The following CRTAC1 variants were observed in gnomAD, a reference collection of about 807,000 sequenced individuals.
CRTAC1 encodes cartilage acidic protein 1, also known as acidic secreted protein in cartilage.
Under a neutral mutation model 67.8 loss-of-function variants are expected in CRTAC1, and 37 were observed. The ratio of observed to expected loss-of-function variants is 0.55; its 90% CI spans 0.42 to 0.72. The LOEUF (loss-of-function observed/expected upper bound fraction) is 0.72. CRTAC1 is among the 30% of genes least tolerant of loss of function. The pLI is 0.00. For synonymous variants in CRTAC1, 348 were observed against 371.0 expected (o/e 0.94, Z 0.71); for missense variants, 780 against 931.6 (o/e 0.84, Z 2.12).
At chr10:97,910,620 T>C (rs1327894538) in intron 5 of CRTAC1, among the ~76,000 whole-genome samples, 1 of 152,234 alleles carries the variant, frequency 6.6e-6, no homozygotes, top group African/African-American at 2.4e-5. Context: ...CGCCTCTGGA[T>C]GGGGCAGAGG....
At chr10:98,027,297 T>C (rs145557457) in intron 1 of CRTAC1, among the ~76,000 whole-genome samples, 42 of 152,254 alleles carry the variant, frequency 2.8e-4, no homozygotes, top group Middle Eastern at 6.8e-3. Flanking sequence ...TGGTAGTATC[T>C]TGCAGGTCAC....
intron 5 of CRTAC1, among the ~76,000 whole-genome samples, chr10:97,916,561 C>A (rs539929240): frequency 7.4e-4 from 113 of 152,292 alleles, no homozygotes; most frequent in African/African-American, 2.6e-3. Flanking sequence ...TGTCTGGAGG[C>A]AGGGTGGTAC....
At chr10:97,884,395 G>A in intron 11 of CRTAC1, 44 bp from the exon 12 acceptor site, 1 of 1,512,952 alleles carries the variant, frequency 6.6e-7, no homozygotes, top group African/African-American at 1.4e-5. Flanking sequence ...AGGAGAGCAG[G>A]AGGCTCTCAG....
chr10:97,902,291 G>T (rs1312591877), intron 7 of CRTAC1, among the ~76,000 whole-genome samples: 1 of 152,232 alleles, frequency 6.6e-6, no homozygotes, highest in Admixed American at 6.5e-5. Context: ...TAGCTCGCTG[G>T]CAGCCTGTCC....
intron 2 of CRTAC1, among the ~76,000 whole-genome samples, chr10:98,005,962 T>C (rs149498237): frequency 8.1e-4 from 124 of 152,354 alleles, no homozygotes; most frequent in Non-Finnish European, 1.5e-3. Flanking sequence ...AATGAAACCC[T>C]TCCAAGTGTG....
At chr10:97,884,942 C>T (rs1309599515) in intron 11 of CRTAC1, among the ~76,000 whole-genome samples, 1 of 152,174 alleles carries the variant, frequency 6.6e-6, no homozygotes, top group Non-Finnish European at 1.5e-5. Flanking sequence ...CTTTGTTATC[C>T]CAGGAATGCT....
chr10:98,005,631 A>G (rs1842775720), intron 2 of CRTAC1, among the ~76,000 whole-genome samples: 1 of 150,964 alleles, frequency 6.6e-6, no homozygotes, highest in Non-Finnish European at 1.5e-5. Context: ...TACATACTAC[A>G]TCTACCTATT....
rs573084769 is a variant in CRTAC1, at chr10:97,901,222, C to T, written c.1133+281G>A. 1.0e-3 allele frequency among the ~76,000 whole-genome samples: 152 copies of T among 152,212 alleles called. 1 individual carries two copies. Among genetic ancestry groups the T allele is most frequent in the African/African-American group, 3.3e-3 (138 of 41,524 alleles). ...GGTAGTGTGGCTTTGTATCTTGTGG[C>T]GCTTGGGTTCTGGGCACACTTTGGG... On this transcript the variant is annotated intron_variant, in intron 8 of 14. Transcript: ENST00000370597.
chr10:97,875,256 C>A (rs2050133926), intron 14 of CRTAC1, among the ~76,000 whole-genome samples: 1 of 152,224 alleles, frequency 6.6e-6, no homozygotes, highest in African/African-American at 2.4e-5. Context: ...AAAATAGACT[C>A]ATAACATTTA....
At chr10:97,954,036 G>T (rs1195885199) in intron 2 of CRTAC1, among the ~76,000 whole-genome samples, 1 of 152,188 alleles carries the variant, frequency 6.6e-6, no homozygotes, top group Non-Finnish European at 1.5e-5. Context: ...CGTCTCTACA[G>T]CTGGGCTGCC....
At chr10:97,955,171 G>T (rs1381521037) in intron 2 of CRTAC1, among the ~76,000 whole-genome samples, 1 of 152,158 alleles carries the variant, frequency 6.6e-6, no homozygotes, top group South Asian at 2.1e-4. Flanking sequence ...GAACACAAAA[G>T]CTCTGAAGTC....
intron 2 of CRTAC1, among the ~76,000 whole-genome samples, chr10:97,993,073 C>G (rs1363589694): frequency 1.3e-5 from 2 of 151,952 alleles, no homozygotes. Flanking sequence ...AAACAAAAAC[C>G]AGGCTGACAT....
chr10:98,012,311 C>A (rs557185752), intron 1 of CRTAC1, among the ~76,000 whole-genome samples: 1 of 152,242 alleles, frequency 6.6e-6, no homozygotes, highest in African/African-American at 2.4e-5. Context: ...AGGGATTCCA[C>A]CCCCCTTGAG....
chr10:97,957,884 C>T (rs1256015749), intron 2 of CRTAC1, among the ~76,000 whole-genome samples: 1 of 152,090 alleles, frequency 6.6e-6, no homozygotes, highest in East Asian at 1.9e-4. Context: ...ATGGCAGGAA[C>T]AATCTTTAAC....
chr10:97,893,867 GC>G (rs1174336754), intron 11 of CRTAC1, among the ~76,000 whole-genome samples: 3 of 152,110 alleles, frequency 2.0e-5, no homozygotes. Context: ...TTGGAGATGA[GC>G]TTTTTCTCCC....
intron 1 of CRTAC1, among the ~76,000 whole-genome samples, chr10:98,022,624 G>C (rs965671068): frequency 2.0e-5 from 3 of 151,214 alleles, no homozygotes; most frequent in African/African-American, 7.3e-5. Flanking sequence ...GGAGGGGAGA[G>C]AGAAGAGGGG....
chr10:97,891,898 G>C (rs368866348), intron 11 of CRTAC1, among the ~76,000 whole-genome samples: 1 of 152,208 alleles, frequency 6.6e-6, no homozygotes, highest in African/African-American at 2.4e-5. Context: ...GAGGCGCCTC[G>C]TGACCCAAGG....
chr10:97,897,010 G>A lies in CRTAC1; in HGVS notation c.1134-19C>T, dbSNP rs1181495297. 1.3e-6 allele frequency: 2 copies of A among 1,542,856 alleles called. No homozygotes were observed. Among genetic ancestry groups the A allele is most frequent in the Non-Finnish European group, 8.8e-7 (1 of 1,139,812 alleles). Reference sequence around the variant, plus strand: ...GATGACGCTGCAGGAGAGGAGACAGGCTTGCTCTGGTGGGGTCTCAGAGGC... The same window carrying A: ...GATGACGCTGCAGGAGAGGAGACAGACTTGCTCTGGTGGGGTCTCAGAGGC... On this transcript the variant is annotated intron_variant, in intron 8 of 14. Coordinates refer to ENST00000370597, the MANE Select transcript of CRTAC1 (RefSeq NM_018058.7).
chr10:98,008,973 C>T (rs577081258), intron 2 of CRTAC1, among the ~76,000 whole-genome samples: 8 of 152,240 alleles, frequency 5.3e-5, no homozygotes, highest in South Asian at 2.1e-4. Context: ...GCACATGGCT[C>T]TGGGAGTCAG....
Sources: allele counts gnomAD v4.1 joint callset (sites outside exome capture counted in the v4.1 genomes callset), GRCh38; gene constraint gnomAD v4.1.1; transcripts MANE v1.5; gene names NCBI Gene and HGNC (gene_info 2026-07-23, HGNC 2026-07-21).